Variants in RGS8 observed in about 807,000 individuals in gnomAD.
The protein encoded by RGS8 is regulator of G-protein signaling 8.
A neutral mutation model predicts 21.7 loss-of-function variants in RGS8; 8 were observed. That is an observed-to-expected ratio of 0.37 (90% CI 0.22 to 0.66). The LOEUF (loss-of-function observed/expected upper bound fraction) is 0.66, where lower values mean the gene tolerates loss of function less well. Among genes scored for constraint, RGS8 ranks in the 30% least tolerant of loss-of-function variants. The pLI, the probability that RGS8 is intolerant of heterozygous loss-of-function variation, is 0.59. For missense variants in RGS8, 157 were observed against 217.9 expected, an observed-to-expected ratio of 0.72 and a Z score of 1.76; for synonymous variants, 80 against 83.6, an observed-to-expected ratio of 0.96 and a Z score of 0.24.
chr1:182,736,652 T>C, the RGS8 span, among the ~76,000 whole-genome samples: 4 of 152,300 alleles, frequency 2.6e-5, no homozygotes, highest in South Asian at 2.1e-4. Context: ...GAGTCCAACA[T>C]AGAGGAGAGG....
At chr1:182,736,813 T>A in the RGS8 span, among the ~76,000 whole-genome samples, 1 of 152,256 alleles carries the variant, frequency 6.6e-6, no homozygotes, top group Non-Finnish European at 1.5e-5. Context: ...TTTCCCGCTC[T>A]GCTCTTCTTG....
At chr1:182,650,841 C>T (rs1368889913) in intron 5 of RGS8, among the ~76,000 whole-genome samples, 2 of 152,182 alleles carry the variant, frequency 1.3e-5, no homozygotes, top group African/African-American at 4.8e-5. Context: ...CTGTTAATTA[C>T]ATGCAGACAA....
chr1:182,703,747 C>T, the RGS8 span, among the ~76,000 whole-genome samples: 21 of 152,296 alleles, frequency 1.4e-4, no homozygotes, highest in African/African-American at 4.6e-4. Context: ...AAAGCAGATT[C>T]GCCTCCCTAA....
At chr1:182,698,620 C>T in the RGS8 span, among the ~76,000 whole-genome samples, 3 of 152,128 alleles carry the variant, frequency 2.0e-5, no homozygotes, top group African/African-American at 4.8e-5. Context: ...TTATTTTCCC[C>T]CTAAGATTAA....
At chr1:182,740,266 C>T in the RGS8 span, among the ~76,000 whole-genome samples, 197 of 152,310 alleles carry the variant, frequency 1.3e-3, no homozygotes, top group Non-Finnish European at 2.0e-3. Flanking sequence ...TCTTGCCTCC[C>T]TGGCCACAAT....
chr1:182,722,933 G>T, the RGS8 span, among the ~76,000 whole-genome samples: 4 of 151,788 alleles, frequency 2.6e-5, no homozygotes, highest in Non-Finnish European at 5.9e-5. Flanking sequence ...AGCCCAGATC[G>T]CGCCACTGCA....
At chr1:182,695,614 A>AC in the RGS8 span, among the ~76,000 whole-genome samples, 1 of 152,206 alleles carries the variant, frequency 6.6e-6, no homozygotes, top group South Asian at 2.1e-4. Context: ...ATGCTGATGC[A>AC]CCTGGCTCTA....
chr1:182,714,942 C>T, the RGS8 span, among the ~76,000 whole-genome samples: 720 of 152,234 alleles, frequency 4.7e-3, 3 homozygotes, highest in African/African-American at 0.015. Flanking sequence ...GAAATGGATG[C>T]GTTACCCCTA....
chr1:182,741,666 G>C, the RGS8 span, among the ~76,000 whole-genome samples: 6 of 118,036 alleles, frequency 5.1e-5, no homozygotes, highest in South Asian at 5.7e-4. Context: ...CGGCTGGCCG[G>C]GCAGAGGGGC....
the RGS8 span, among the ~76,000 whole-genome samples, chr1:182,714,028 A>T: frequency 9.9e-5 from 15 of 152,256 alleles, no homozygotes; most frequent in East Asian, 2.9e-3. Context: ...TACCACGCCA[A>T]TTTGACTTTT....
chr1:182,669,649 T>C (rs367651362), exon 3 of RGS8: 5 of 1,614,092 alleles, frequency 3.1e-6, no homozygotes, highest in Admixed American at 1.7e-5. Flanking sequence ...AAGGCCGCCA[T>C]ACAGGCATCA....
At chr1:182,727,736 GT>G in the RGS8 span, among the ~76,000 whole-genome samples, 1 of 151,990 alleles carries the variant, frequency 6.6e-6, no homozygotes, top group Non-Finnish European at 1.5e-5. Context: ...AAAGTATAGA[GT>G]TTTTTCTAAA....
At chr1:182,693,381 C>A in the RGS8 span, among the ~76,000 whole-genome samples, 2 of 152,284 alleles carry the variant, frequency 1.3e-5, no homozygotes, top group Non-Finnish European at 2.9e-5. Flanking sequence ...CTCAACATCA[C>A]TAATCATTAG....
the RGS8 span, among the ~76,000 whole-genome samples, chr1:182,743,780 C>G: frequency 1.1e-4 from 17 of 152,296 alleles, no homozygotes; most frequent in East Asian, 3.3e-3. Context: ...AAATAGAAAA[C>G]ATGTGTATAC....
chr1:182,713,328 C>A, the RGS8 span, among the ~76,000 whole-genome samples: 4 of 151,942 alleles, frequency 2.6e-5, no homozygotes, highest in African/African-American at 7.3e-5. Flanking sequence ...GGATTACAGG[C>A]GCATGCCACC....
At chr1:182,735,966 A>G in the RGS8 span, among the ~76,000 whole-genome samples, 1 of 152,232 alleles carries the variant, frequency 6.6e-6, no homozygotes, top group South Asian at 2.1e-4. Flanking sequence ...ATGTTTCTCA[A>G]ACTTCAACCA....
chr1:182,746,300 G>C, the RGS8 span, among the ~76,000 whole-genome samples: 1 of 152,128 alleles, frequency 6.6e-6, no homozygotes, highest in Middle Eastern at 3.2e-3. Flanking sequence ...GACCATATAT[G>C]GCTAGAATTA....
At chr1:182,710,597 A>G in the RGS8 span, among the ~76,000 whole-genome samples, 1 of 152,162 alleles carries the variant, frequency 6.6e-6, no homozygotes, top group Non-Finnish European at 1.5e-5. Flanking sequence ...GAAGGCAAAC[A>G]AAACAAAAGG....
At chr1:182,703,216 G>A in the RGS8 span, among the ~76,000 whole-genome samples, 2 of 152,156 alleles carry the variant, frequency 1.3e-5, no homozygotes, top group African/African-American at 4.8e-5. Context: ...AAGGGAAAGG[G>A]GCATTTTCTC....
Sources: gnomAD v4.1 joint callset for allele counts (sites outside exome capture counted in the v4.1 genomes callset) on GRCh38, gnomAD v4.1.1 for gene constraint, MANE v1.5 for transcripts, NCBI Gene and HGNC (gene_info 2026-07-23, HGNC 2026-07-21) for gene names.